The following RBFOX1 variants were observed in gnomAD, a reference collection of about 807,000 sequenced individuals.
RBFOX1 encodes RNA binding fox-1 homolog 1, also known as RNA binding protein fox-1 homolog 1.
A neutral mutation model predicts 57.7 loss-of-function variants in RBFOX1; 8 were observed. The observed-to-expected ratio is 0.14, with a 90% CI of 0.08 to 0.25. The LOEUF (loss-of-function observed/expected upper bound fraction) is 0.25. Ranked by LOEUF, RBFOX1 falls within the 10% of genes least tolerant of loss-of-function variation. The probability of loss-of-function intolerance (pLI) is 1.00; values close to 1 mark genes in which losing one functional copy is unlikely to be tolerated. For missense variants in RBFOX1, 611 were observed against 548.5 expected, an observed-to-expected ratio of 1.11 and a Z score of -1.14; for synonymous variants, 326 against 222.4, an observed-to-expected ratio of 1.47 and a Z score of -4.15.
intron 3 of RBFOX1, among the ~76,000 whole-genome samples, chr16:5,775,911 G>A (rs571237855): frequency 1.3e-5 from 2 of 152,330 alleles, no homozygotes; most frequent in African/African-American, 4.8e-5. Context: ...TAAAGGTTCT[G>A]TCTCTGGACC....
At chr16:7,137,990 C>T (rs1016541456) in intron 4 of RBFOX1, among the ~76,000 whole-genome samples, 2 of 152,058 alleles carry the variant, frequency 1.3e-5, no homozygotes, top group African/African-American at 2.4e-5. Context: ...AGAAAATGCA[C>T]GTAGAGAGAG....
chr16:6,142,927 C>T (rs2152705216), intron 1 of RBFOX1, among the ~76,000 whole-genome samples: 1 of 152,304 alleles, frequency 6.6e-6, no homozygotes, highest in East Asian at 1.9e-4. Context: ...CCCTCTCTTC[C>T]CTCCTCTGTT....
intron 2 of RBFOX1, among the ~76,000 whole-genome samples, chr16:6,511,061 A>G (rs1380379866): frequency 1.3e-5 from 2 of 152,170 alleles, no homozygotes; most frequent in East Asian, 1.9e-4. Context: ...GGTTGCAAGC[A>G]TCCAGGACCA....
chr16:7,709,861 C>T lies in RBFOX1; in HGVS notation c.1071+730C>T, dbSNP rs564596934. 9.2e-5 allele frequency: 108 copies of T among 1,170,970 alleles called. No individual in the cohort carries two copies. The South Asian group carries it at 1.3e-3, about 14-fold the overall frequency. 72.5% of individuals were successfully genotyped at this position (1,170,970 alleles called of 1,614,324 possible). The stretch of plus-strand genomic sequence containing the variant: ...TGAGTACAGTAAGACGTGCCCATCA[C>T]GTGAGAGCATATGCAATCATTACAA... On this transcript the variant is annotated intron_variant, in intron 15 of 15. Transcript: ENST00000550418.
intron 3 of RBFOX1, among the ~76,000 whole-genome samples, chr16:5,784,234 A>T (rs2054421513): frequency 6.6e-6 from 1 of 152,134 alleles, no homozygotes; most frequent in South Asian, 2.1e-4. Context: ...ATCCTGGCTA[A>T]CGTGGTGAAA....
intron 4 of RBFOX1, among the ~76,000 whole-genome samples, chr16:7,453,579 A>T (rs2057845388): frequency 6.6e-6 from 1 of 152,198 alleles, no homozygotes; most frequent in Admixed American, 6.5e-5. Context: ...TGAGAAAACA[A>T]ATGGCACTTT....
chr16:7,629,928 A>C (rs2060666910), intron 10 of RBFOX1, among the ~76,000 whole-genome samples: 1 of 152,192 alleles, frequency 6.6e-6, no homozygotes, highest in South Asian at 2.1e-4. Context: ...TCCAGTGTCC[A>C]GTGTGGGTCC....
chr16:7,376,244 C>G (rs763827017), intron 4 of RBFOX1, among the ~76,000 whole-genome samples: 29 of 152,170 alleles, frequency 1.9e-4, no homozygotes, highest in Non-Finnish European at 3.2e-4. Flanking sequence ...TTCTGATAAA[C>G]AGGGCATTAT....
chr16:6,913,733 C>A (rs1234862404), intron 3 of RBFOX1, among the ~76,000 whole-genome samples: 1 of 152,162 alleles, frequency 6.6e-6, no homozygotes, highest in African/African-American at 2.4e-5. Flanking sequence ...ACCCTCCTAG[C>A]CAAGCGTCTG....
At chr16:7,613,671 A>G (rs1029624537) in intron 10 of RBFOX1, among the ~76,000 whole-genome samples, 1 of 152,154 alleles carries the variant, frequency 6.6e-6, no homozygotes, top group East Asian at 1.9e-4. Context: ...ACCATGATTC[A>G]TCTCAGAATT....
chr16:7,020,197 C>A (rs138318068), intron 3 of RBFOX1, among the ~76,000 whole-genome samples: 4 of 151,820 alleles, frequency 2.6e-5, no homozygotes, highest in African/African-American at 9.7e-5. Context: ...AAAATATTTT[C>A]TTTTTTTTCT....
intron 8 of RBFOX1, among the ~76,000 whole-genome samples, chr16:7,596,906 C>T (rs2094730164): frequency 6.6e-6 from 1 of 152,162 alleles, no homozygotes. Flanking sequence ...GTTCTTTCCT[C>T]CTAAAGTGTT....
chr16:6,324,313 G>C (rs1159877356), intron 2 of RBFOX1, among the ~76,000 whole-genome samples: 1 of 152,186 alleles, frequency 6.6e-6, no homozygotes, highest in Non-Finnish European at 1.5e-5. Context: ...CTAGAATGGA[G>C]TGTCAATTTG....
chr16:7,392,311 T>C (rs2098044612), intron 4 of RBFOX1, among the ~76,000 whole-genome samples: 2 of 152,142 alleles, frequency 1.3e-5, no homozygotes, highest in South Asian at 4.1e-4. Context: ...TCCCTCCAGA[T>C]CACGTCCCAA....
chr16:7,525,742 A>C (rs2078557942), intron 5 of RBFOX1, among the ~76,000 whole-genome samples: 1 of 152,206 alleles, frequency 6.6e-6, no homozygotes, highest in Admixed American at 6.5e-5. Flanking sequence ...TGGTCCAAAG[A>C]TCATGCTAGG....
upstream of RBFOX1, chr16:6,019,016 C>A (rs2095019858): frequency 2.3e-6 from 2 of 863,846 alleles, no homozygotes; most frequent in Non-Finnish European, 2.8e-6. This position sits in a 1 kb window ranked among gnomAD's most constrained non-coding sequence, Gnocchi z 4.2. Flanking sequence ...GGCGCTCCCT[C>A]GCGCACCAGA....
At chr16:7,693,346 A>G in intron 14 of RBFOX1, 1 of 1,610,662 alleles carries the variant, frequency 6.2e-7, no homozygotes, top group Non-Finnish European at 8.5e-7. Flanking sequence ...AGCAGATGAA[A>G]TTTCTTGTAA....
intron 2 of RBFOX1, among the ~76,000 whole-genome samples, chr16:5,497,252 A>G (rs989516533): frequency 1.3e-5 from 2 of 149,974 alleles, no homozygotes; most frequent in African/African-American, 4.9e-5. Context: ...ATCCTTTGGG[A>G]TATTTTTTTT....
intron 4 of RBFOX1, among the ~76,000 whole-genome samples, chr16:5,902,437 G>A (rs941372217): frequency 1.3e-5 from 2 of 152,028 alleles, no homozygotes; most frequent in Middle Eastern, 3.4e-3. Context: ...TTTTTGAGAT[G>A]GAGTCTTGCT....
Sources: allele counts gnomAD v4.1 joint callset (sites outside exome capture counted in the v4.1 genomes callset), GRCh38; gene constraint gnomAD v4.1.1; non-coding constraint Gnocchi (gnomAD v3.1); transcripts MANE v1.5; gene names NCBI Gene and HGNC (gene_info 2026-07-23, HGNC 2026-07-21).